Variants in TBC1D5 observed in about 807,000 individuals in gnomAD.
The protein encoded by TBC1D5 is TBC1 domain family, member 5.
TBC1D5 carries 75 observed loss-of-function variants against 100.3 expected under a neutral mutation model. The ratio of observed to expected loss-of-function variants is 0.75; its 90% CI spans 0.62 to 0.91. The LOEUF (loss-of-function observed/expected upper bound fraction) is 0.91. Among genes scored for constraint, TBC1D5 ranks in the 40% least tolerant of loss-of-function variants. TBC1D5 has a pLI of 0.00. For synonymous variants in TBC1D5, 323 were observed against 325.6 expected (o/e 0.99, Z 0.09); for missense variants, 910 against 942.4 (o/e 0.97, Z 0.45).
At chr3:17,286,939 T>C (rs1311676911) in intron 15 of TBC1D5, among the ~76,000 whole-genome samples, 1 of 152,196 alleles carries the variant, frequency 6.6e-6, no homozygotes, top group Non-Finnish European at 1.5e-5. Flanking sequence ...TTCTTTGCAG[T>C]TCTAAAACTC....
intron 14 of TBC1D5, among the ~76,000 whole-genome samples, chr3:17,303,690 A>G (rs780052809): frequency 7.9e-5 from 12 of 152,020 alleles, no homozygotes; most frequent in Non-Finnish European, 1.0e-4. Context: ...TGATATATTC[A>G]ATTTTCCCTA....
At chr3:17,684,751 C>A (rs1415875874) in intron 1 of TBC1D5, among the ~76,000 whole-genome samples, 1 of 151,924 alleles carries the variant, frequency 6.6e-6, no homozygotes, top group African/African-American at 2.4e-5. Flanking sequence ...AGAAATATGT[C>A]ATTATGACTG....
chr3:17,417,484 T>C (rs2094111160), intron 4 of TBC1D5, among the ~76,000 whole-genome samples: 1 of 152,122 alleles, frequency 6.6e-6, no homozygotes, highest in Non-Finnish European at 1.5e-5. Context: ...AGAATGATGA[T>C]TGCCAATTTC....
chr3:17,370,236 A>C (rs2092385730), intron 13 of TBC1D5, among the ~76,000 whole-genome samples: 1 of 152,214 alleles, frequency 6.6e-6, no homozygotes, highest in Non-Finnish European at 1.5e-5. Flanking sequence ...CAAGAAGGCA[A>C]AAAATTATAA....
At chr3:17,509,174 G>GA (rs1560049639) in intron 2 of TBC1D5, among the ~76,000 whole-genome samples, 1 of 151,044 alleles carries the variant, frequency 6.6e-6, no homozygotes, top group Non-Finnish European at 1.5e-5. Flanking sequence ...CCAGTTTAAA[G>GA]AAAAAAACAA....
chr3:17,420,606 T>A (rs1411603327), intron 4 of TBC1D5, among the ~76,000 whole-genome samples: 1 of 152,232 alleles, frequency 6.6e-6, no homozygotes, highest in Non-Finnish European at 1.5e-5. Context: ...AATTTTTAAG[T>A]CTATTTTTGA....
intron 1 of TBC1D5, among the ~76,000 whole-genome samples, chr3:17,656,936 G>T (rs1301568205): frequency 6.6e-6 from 1 of 152,074 alleles, no homozygotes; most frequent in Non-Finnish European, 1.5e-5. Flanking sequence ...AGGATGGCTG[G>T]CTCTCCAAAG....
chr3:17,345,808 A>T (rs138194707), intron 13 of TBC1D5, among the ~76,000 whole-genome samples: 1,884 of 152,216 alleles, frequency 0.012, 35 homozygotes, highest in African/African-American at 0.042. Context: ...TTCTCAGCAA[A>T]CTATCGCAAG....
chr3:17,428,427 A>G, intron 4 of TBC1D5, 23 bp downstream of exon 4: 5 of 627,104 alleles, frequency 8.0e-6, no homozygotes, highest in South Asian at 4.0e-5. Context: ...ATATATATAT[A>G]TATATATGTA....
chr3:17,553,360 G>A (rs1382642600), intron 2 of TBC1D5, among the ~76,000 whole-genome samples: 1 of 152,032 alleles, frequency 6.6e-6, no homozygotes, highest in Non-Finnish European at 1.5e-5. Context: ...CACATTAGTA[G>A]TAACACTGGG....
chr3:17,252,706 C>T (rs1352614475), intron 16 of TBC1D5, among the ~76,000 whole-genome samples: 1 of 152,184 alleles, frequency 6.6e-6, no homozygotes, highest in African/African-American at 2.4e-5. Context: ...AAGGGCTGGC[C>T]TAAGCAGAAT....
intron 2 of TBC1D5, among the ~76,000 whole-genome samples, chr3:17,535,880 T>C (rs537620827): frequency 1.3e-5 from 2 of 152,186 alleles, no homozygotes; most frequent in Admixed American, 1.3e-4. Flanking sequence ...AAAAACATTA[T>C]GGCAATTACC....
intron 17 of TBC1D5, chr3:17,233,727 C>T (rs749165464): frequency 1.5e-4 from 227 of 1,545,682 alleles, no homozygotes; most frequent in Non-Finnish European, 1.8e-4. Context: ...GAAACCTGAG[C>T]ATCGCTTCCT....
intron 1 of TBC1D5, among the ~76,000 whole-genome samples, chr3:17,705,728 A>G (rs867337622): frequency 8.0e-5 from 8 of 99,930 alleles, no homozygotes; most frequent in Admixed American, 1.0e-4. Flanking sequence ...CCTAGATGGG[A>G]TGGCGGCCGG....
intron 5 of TBC1D5, 92 bp from the exon 6 acceptor site, chr3:17,405,053 A>G (rs2093736744): frequency 3.1e-6 from 2 of 639,826 alleles, no homozygotes; most frequent in South Asian, 2.6e-5. Flanking sequence ...ATTGAAAGAC[A>G]TAATAGTCAT....
chr3:17,671,188 C>T (rs2067892810), intron 1 of TBC1D5, among the ~76,000 whole-genome samples: 1 of 152,056 alleles, frequency 6.6e-6, no homozygotes, highest in South Asian at 2.1e-4. Flanking sequence ...ATTATCTGAC[C>T]ACATGTAAAG....
intron 13 of TBC1D5, among the ~76,000 whole-genome samples, chr3:17,366,198 G>A (rs1639087832): frequency 6.6e-6 from 1 of 151,990 alleles, no homozygotes; most frequent in Non-Finnish European, 1.5e-5. Flanking sequence ...GGCTAAGGTG[G>A]GAGGATCCCT....
At chr3:17,659,978 T>C (rs988163146) in intron 1 of TBC1D5, among the ~76,000 whole-genome samples, 2 of 152,104 alleles carry the variant, frequency 1.3e-5, no homozygotes, top group African/African-American at 2.4e-5. Context: ...CTGCCTTCCT[T>C]TGGCGGAGGG....
intron 13 of TBC1D5, among the ~76,000 whole-genome samples, chr3:17,364,142 T>C (rs2091947527): frequency 1.3e-5 from 2 of 152,144 alleles, no homozygotes; most frequent in Non-Finnish European, 2.9e-5. Flanking sequence ...AGGCTATTCA[T>C]GTATGTTTTC....
Sources: gnomAD v4.1 joint callset for allele counts (sites outside exome capture counted in the v4.1 genomes callset) on GRCh38, gnomAD v4.1.1 for gene constraint, MANE v1.5 for transcripts, NCBI Gene and HGNC (gene_info 2026-07-23, HGNC 2026-07-21) for gene names.